The following RNPEP variants were observed in gnomAD, a reference collection of about 807,000 sequenced individuals.
RNPEP encodes aminopeptidase B.
Under a neutral mutation model 70.1 loss-of-function variants are expected in RNPEP, and 57 were observed. The ratio of observed to expected loss-of-function variants is 0.81; its 90% CI spans 0.66 to 1.01. The LOEUF (loss-of-function observed/expected upper bound fraction) is 1.01, where lower values mean the gene tolerates loss of function less well. RNPEP is among the 50% of genes least tolerant of loss of function. The pLI, the probability that RNPEP is intolerant of heterozygous loss-of-function variation, is 0.00. For missense variants in RNPEP, 787 were observed against 852.4 expected, an observed-to-expected ratio of 0.92 and a Z score of 0.96; for synonymous variants, 335 against 357.4, an observed-to-expected ratio of 0.94 and a Z score of 0.71.
intron 3 of RNPEP, among the ~76,000 whole-genome samples, chr1:201,993,290 A>T (rs1683410879): frequency 2.0e-5 from 3 of 152,150 alleles, no homozygotes. Flanking sequence ...TCTAAGATCT[A>T]TAGCAAAGCA....
At chr1:201,994,833 ATTTTTTTTTTTTTT>A (rs34077790) in intron 3 of RNPEP, among the ~76,000 whole-genome samples, 3 of 85,226 alleles carry the variant, frequency 3.5e-5, no homozygotes, top group African/African-American at 4.7e-5. Context: ...TGTCCTGCTA[ATTTTTTTTTTTTTT>A]TTTTTTTTTT....
rs1212655414 is a variant in RNPEP at position 202,001,199 on chromosome 1, A to C, written c.1205-177A>C. 3 of 599,682 alleles carry C rather than the reference A, an allele frequency of 5.0e-6. No individual in the cohort carries two copies. In the African/African-American group the frequency reaches 5.6e-5, roughly 11 times the overall value. The allele number at this position is 599,682 out of a possible 1,614,324, so 37.1% of individuals were successfully genotyped here. A position where few individuals can be genotyped will look rare whatever the true frequency, so the allele number is the denominator to read the frequency against. On this transcript the variant is annotated intron_variant, in intron 6 of 10. Coordinates refer to ENST00000295640, the MANE Select transcript of RNPEP (RefSeq NM_020216.4). ...CTTAAGAGAGAGAGTCTTGGCCTTGAGAGAGTCCAAGATCTGGAGAGAGGC... is the reference window on the plus strand; with the variant it reads ...CTTAAGAGAGAGAGTCTTGGCCTTGCGAGAGTCCAAGATCTGGAGAGAGGC...
At chr1:201,996,067 T>A in intron 3 of RNPEP, 80 bp from the exon 4 acceptor site, 2 of 1,174,564 alleles carry the variant, frequency 1.7e-6, no homozygotes, top group Non-Finnish European at 1.2e-6. Context: ...GGAGGCCAAT[T>A]TCCTACAGGT....
chr1:202,003,643 T>G (rs1341063167), intron 9 of RNPEP, among the ~76,000 whole-genome samples, 182 bp downstream of exon 9: 2 of 151,228 alleles, frequency 1.3e-5, no homozygotes, highest in Non-Finnish European at 2.9e-5. Context: ...CCACGTACAC[T>G]AGGGAGGCTG....
chr1:201,994,663 A>G (rs1403871828), intron 3 of RNPEP, among the ~76,000 whole-genome samples: 1 of 145,742 alleles, frequency 6.9e-6, no homozygotes, highest in Non-Finnish European at 1.5e-5. Flanking sequence ...CTTTGCCATC[A>G]GTCTCTTTTT....
Position 201,996,098 on chromosome 1 carries a change from G to A in RNPEP, c.738-49G>A, listed in dbSNP as rs1683537769. The A allele has an allele frequency of 4.1e-6, 6 of 1,474,904 alleles. No individual in the cohort carries two copies. The South Asian group carries it at 6.9e-5, about 17-fold the overall frequency. 91.4% of individuals were successfully genotyped at this position (1,474,904 alleles called of 1,614,324 possible). ...CAGGTGCTTTCAGGATCAGGTCACT[G>A]CGATGGTCTCTAAACACCATTCTGC... On this transcript the variant is annotated intron_variant, in intron 3 of 10. Coordinates refer to ENST00000295640, the MANE Select transcript of RNPEP (RefSeq NM_020216.4).
chr1:201,990,881 T>A (rs1683307607), intron 3 of RNPEP, among the ~76,000 whole-genome samples: 1 of 152,172 alleles, frequency 6.6e-6, no homozygotes, highest in African/African-American at 2.4e-5. Context: ...AGAATACCCT[T>A]ACTAAGGTTC....
Position 202,005,728 on chromosome 1 carries a change from C to CATGG in RNPEP, c.*13_*16dup, listed in dbSNP as rs1323194343. 1.2e-6 allele frequency: 2 copies of CATGG among 1,613,448 alleles called. No individual in the cohort carries two copies. Among genetic ancestry groups the CATGG allele is most frequent in the Non-Finnish European group, 1.7e-6 (2 of 1,179,496 alleles). On this transcript the variant is annotated 3_prime_UTR_variant, in exon 11 of 11. Transcript: ENST00000295640. The stretch of plus-strand genomic sequence containing the variant: ...CCAAGGGCAGTTAGAGGCTCGTGTG[C>CATGG]ATGGCCCCTGCCTCTTCAGGCTCTC...
rs1449531510 is a variant in RNPEP at position 202,001,778 on chromosome 1, G to T, written c.1426+11G>T. On this transcript the variant is annotated intron_variant, in intron 8 of 10. Coordinates refer to ENST00000295640, the MANE Select transcript of RNPEP (RefSeq NM_020216.4). ...TGGATATCATTCCAGGTAAGCAGAG[G>T]AACTGGCCCACAGGCTTCTAAAAAA... 1.4e-6 allele frequency: 2 copies of T among 1,465,072 alleles called. No individual in the cohort carries two copies. Among genetic ancestry groups the T allele is most frequent in the Admixed American group, 3.3e-5 (2 of 59,706 alleles). The allele number at this position is 1,465,072 out of a possible 1,614,324, so 90.8% of individuals were successfully genotyped here.
intron 3 of RNPEP, among the ~76,000 whole-genome samples, chr1:201,990,967 C>A (rs1307606210): frequency 6.6e-6 from 1 of 152,176 alleles, no homozygotes; most frequent in Non-Finnish European, 1.5e-5. Context: ...ATAATGATTT[C>A]TTTTTATACT....
intron 9 of RNPEP, among the ~76,000 whole-genome samples, chr1:202,004,024 T>C (rs144237026): frequency 9.2e-4 from 140 of 152,230 alleles, no homozygotes; most frequent in African/African-American, 3.1e-3. Flanking sequence ...GGGACAGATA[T>C]TGGGGGAATA....
At position 201,988,936 on chromosome 1, in the gene RNPEP, AAAG is replaced by A. The variant is rs749101369; in HGVS notation, c.487_489del (p.Lys163del). ...GGTTGGCTCCCGAGCAGACAGCAGGAAAGAAGAAGCCCTTCGTGTACACCCAGG... is the reference window on the plus strand; with the variant it reads ...GGTTGGCTCCCGAGCAGACAGCAGGAAAGAAGCCCTTCGTGTACACCCAGG... On this transcript the variant is annotated inframe_deletion, in exon 2 of 11. Transcript: ENST00000295640. The A allele has an allele frequency of 1.1e-5, 18 of 1,613,200 alleles. No individual in the cohort carries two copies. The highest frequency in any genetic ancestry group is 3.3e-5 in the South Asian group (3 of 90,892).
At position 201,998,860 on chromosome 1, in the gene RNPEP, C is replaced by G. The variant is rs116296861; in HGVS notation, c.1091-1042C>G. The stretch of plus-strand genomic sequence containing the variant: ...TCATTGTTTTTAATGCAGAAGGAGA[C>G]TTAGAGATCCTTAAAAATTTGGGGT... On this transcript the variant is annotated intron_variant, in intron 5 of 10. Coordinates refer to ENST00000295640, the MANE Select transcript of RNPEP (RefSeq NM_020216.4). 7.6e-3 allele frequency among the ~76,000 whole-genome samples: 1,152 copies of G among 152,200 alleles called. 4 individuals are homozygous for G. Among genetic ancestry groups the G allele is most frequent in the Middle Eastern group, 0.048 (14 of 294 alleles).
intron 6 of RNPEP, chr1:202,001,163 G>A: frequency 1.8e-6 from 1 of 559,310 alleles, no homozygotes; most frequent in Non-Finnish European, 3.2e-6. Flanking sequence ...TCTTGGCCTT[G>A]AGATAGAGAT....
intron 1 of RNPEP, 116 bp from the exon 2 acceptor site, chr1:201,988,788 G>A (rs1683221607): frequency 7.9e-7 from 1 of 1,266,930 alleles, no homozygotes; most frequent in Non-Finnish European, 1.1e-6. Context: ...CAGACTGGCT[G>A]GCGGAAAGGT....
At chr1:201,984,284 T>G (rs1486807519) in intron 1 of RNPEP, among the ~76,000 whole-genome samples, 3 of 152,148 alleles carry the variant, frequency 2.0e-5, no homozygotes, top group African/African-American at 7.2e-5. Context: ...TCAGTATATG[T>G]AAGAAGTACA....
At position 201,996,154 on chromosome 1, in the gene RNPEP, G is replaced by T; in HGVS notation, c.745G>T (p.Val249Leu). 6.2e-7 allele frequency: 1 copy of T among 1,613,838 alleles called. No homozygotes were observed. The highest frequency in any genetic ancestry group is 8.5e-7 in the Non-Finnish European group (1 of 1,179,734). ...VSAEVGPRSRVWAEPCLIDAA... is the reference protein window; with the variant it reads ...VSAEVGPRSRLWAEPCLIDAA... ...CTGCTCTCTTGTCTTTAGGAGCCGG[G>T]TGTGGGCTGAGCCCTGCCTGATTGA... Residue 249 changes from valine to leucine, a missense_variant, in exon 4 of 11, where the codon GTG becomes TTG. Val to Leu is a conservative substitution (Grantham distance 32). Transcript: ENST00000295640.
chr1:201,992,290 C>T (rs1350300267), intron 3 of RNPEP, among the ~76,000 whole-genome samples: 1 of 152,246 alleles, frequency 6.6e-6, no homozygotes, highest in East Asian at 1.9e-4. Context: ...ACCTCGGCCT[C>T]CCAAAGTGTT....
At chr1:201,984,418 C>T (rs1207974110) in intron 1 of RNPEP, among the ~76,000 whole-genome samples, 1 of 152,160 alleles carries the variant, frequency 6.6e-6, no homozygotes, top group Non-Finnish European at 1.5e-5. Flanking sequence ...TGAGCCTTTC[C>T]AAAGGAAGCA....
Sources: gnomAD v4.1 joint callset for allele counts (sites outside exome capture counted in the v4.1 genomes callset) on GRCh38, gnomAD v4.1.1 for gene constraint, MANE v1.5 for transcripts, NCBI Gene and HGNC (gene_info 2026-07-23, HGNC 2026-07-21) for gene names.